LPAR1: variants seen among roughly 807,000 people sequenced by gnomAD.
LPAR1 encodes the protein lysophosphatidic acid receptor 1, also known as LPA receptor 1.
LPAR1 carries 5 observed loss-of-function variants against 23.8 expected under a neutral mutation model. The observed-to-expected ratio is 0.21, with a 90% CI of 0.11 to 0.44. The LOEUF is 0.44. Ranked by LOEUF, LPAR1 falls within the 20% of genes least tolerant of loss-of-function variation. The probability of loss-of-function intolerance (pLI) is 0.99; values close to 1 mark genes in which losing one functional copy is unlikely to be tolerated. For synonymous variants in LPAR1, 160 were observed against 164.7 expected, an observed-to-expected ratio of 0.97 and a Z score of 0.22; for missense variants, 311 against 482.8, an observed-to-expected ratio of 0.64 and a Z score of 3.33.
chr9:111,030,818 G>T (rs1405880885), intron 2 of LPAR1, among the ~76,000 whole-genome samples: 1 of 152,140 alleles, frequency 6.6e-6, no homozygotes, highest in Non-Finnish European at 1.5e-5. Flanking sequence ...GGCCCATGCA[G>T]GCTCTTCCAG....
intron 5 of LPAR1, among the ~76,000 whole-genome samples, chr9:110,884,296 C>A (rs1385607581): frequency 6.6e-6 from 1 of 152,194 alleles, no homozygotes; most frequent in African/African-American, 2.4e-5. Context: ...CCTACTCACA[C>A]TTTACTTACC....
chr9:110,958,082 A>G (rs2095822097), intron 4 of LPAR1, among the ~76,000 whole-genome samples: 1 of 152,190 alleles, frequency 6.6e-6, no homozygotes, highest in South Asian at 2.1e-4. Context: ...GAAACTGAAG[A>G]GGACACAAAT....
intron 2 of LPAR1, among the ~76,000 whole-genome samples, chr9:111,013,203 C>G (rs1031114771): frequency 1.3e-5 from 2 of 152,006 alleles, no homozygotes; most frequent in Non-Finnish European, 2.9e-5. Context: ...CTGTTGGGGT[C>G]GTAGTTTTAA....
chr9:110,922,505 T>C (rs2093697880), intron 5 of LPAR1, among the ~76,000 whole-genome samples: 1 of 152,278 alleles, frequency 6.6e-6, no homozygotes, highest in African/African-American at 2.4e-5. Flanking sequence ...TTAGTAAATA[T>C]GAAGGATTAG....
At chr9:111,012,469 G>GCACACA (rs3030186) in intron 2 of LPAR1, among the ~76,000 whole-genome samples, 1 of 149,968 alleles carries the variant, frequency 6.7e-6, no homozygotes, top group Admixed American at 6.7e-5. Context: ...ACGCACGCGC[G>GCACACA]CACACACACA....
intron 5 of LPAR1, among the ~76,000 whole-genome samples, chr9:110,891,250 T>C (rs1189320396): frequency 6.6e-6 from 1 of 152,298 alleles, no homozygotes; most frequent in East Asian, 1.9e-4. Context: ...TTTCTTATAA[T>C]AAATATTTGC....
At chr9:110,927,435 C>T (rs16915539) in intron 5 of LPAR1, among the ~76,000 whole-genome samples, 63 of 152,178 alleles carry the variant, frequency 4.1e-4, no homozygotes, top group African/African-American at 1.5e-3. Flanking sequence ...CAAAGTTATA[C>T]TCAATTTGGG....
chr9:110,951,229 T>C (rs2095559563), intron 4 of LPAR1, among the ~76,000 whole-genome samples: 1 of 151,488 alleles, frequency 6.6e-6, no homozygotes, highest in African/African-American at 2.4e-5. Flanking sequence ...AAGAAGAAAA[T>C]GAAAAAATAT....
chr9:110,985,050 A>G (rs2096752595), intron 2 of LPAR1, among the ~76,000 whole-genome samples: 1 of 152,082 alleles, frequency 6.6e-6, no homozygotes, highest in African/African-American at 2.4e-5. Context: ...ACTTATCCCT[A>G]CCACTGACTC....
chr9:111,006,763 T>G (rs12346658), intron 2 of LPAR1, among the ~76,000 whole-genome samples: 1 of 152,092 alleles, frequency 6.6e-6, no homozygotes, highest in Non-Finnish European at 1.5e-5. Context: ...AGTAGAATGT[T>G]TATATAGTCA....
chr9:111,024,815 C>T (rs2097655958), intron 2 of LPAR1, among the ~76,000 whole-genome samples: 1 of 151,564 alleles, frequency 6.6e-6, no homozygotes, highest in African/African-American at 2.4e-5. Flanking sequence ...GTTTTCTGTT[C>T]TTGTGTTAGT....
intron 5 of LPAR1, among the ~76,000 whole-genome samples, chr9:110,911,642 A>T (rs1361487677): frequency 6.6e-6 from 1 of 152,230 alleles, no homozygotes; most frequent in Non-Finnish European, 1.5e-5. Flanking sequence ...TTATGACTTA[A>T]GGCTCAGATG....
chr9:111,037,497 C>T (rs936483342), intron 1 of LPAR1, among the ~76,000 whole-genome samples: 2 of 152,242 alleles, frequency 1.3e-5, no homozygotes, highest in Non-Finnish European at 2.9e-5. Context: ...AGGAGTCCTA[C>T]GCAAGTCAAA....
At chr9:110,944,439 G>T (rs2095300157) in intron 4 of LPAR1, among the ~76,000 whole-genome samples, 1 of 151,864 alleles carries the variant, frequency 6.6e-6, no homozygotes, top group East Asian at 1.9e-4. Flanking sequence ...TTCTGCAAAG[G>T]ATATTTAAAA....
At chr9:110,999,499 T>C in intron 2 of LPAR1, 1 of 454,332 alleles carries the variant, frequency 2.2e-6, no homozygotes, top group Non-Finnish European at 4.4e-6. Flanking sequence ...CTTGTCTTAG[T>C]CAGTTCAGGC....
At chr9:110,984,481 T>C (rs1356906880) in intron 2 of LPAR1, among the ~76,000 whole-genome samples, 1 of 152,120 alleles carries the variant, frequency 6.6e-6, no homozygotes, top group East Asian at 1.9e-4. Context: ...TTTCTGTTAA[T>C]GGACACTTAG....
intron 4 of LPAR1, among the ~76,000 whole-genome samples, chr9:110,947,969 T>C (rs1311790587): frequency 1.3e-5 from 2 of 152,168 alleles, no homozygotes; most frequent in African/African-American, 2.4e-5. Flanking sequence ...TAAAATACAA[T>C]AGAGTGAGCC....
chr9:110,932,284 A>G (rs563399597), intron 5 of LPAR1, among the ~76,000 whole-genome samples: 40 of 152,358 alleles, frequency 2.6e-4, no homozygotes, highest in African/African-American at 9.1e-4. Context: ...CTGGCATCAT[A>G]GAACAGCCAT....
intron 2 of LPAR1, among the ~76,000 whole-genome samples, chr9:110,990,190 A>G (rs758803204): frequency 6.6e-6 from 1 of 152,160 alleles, no homozygotes; most frequent in Non-Finnish European, 1.5e-5. Flanking sequence ...ATTAATTGAC[A>G]GAACAGAAAA....
Sources: gnomAD v4.1 joint callset for allele counts (sites outside exome capture counted in the v4.1 genomes callset) on GRCh38, gnomAD v4.1.1 for gene constraint, MANE v1.5 for transcripts, NCBI Gene and HGNC (gene_info 2026-07-23, HGNC 2026-07-21) for gene names.